The following PIEZO2 variants were observed in gnomAD, a reference collection of about 807,000 sequenced individuals.
The protein encoded by PIEZO2 is piezo-type mechanosensitive ion channel component 2.
Under a neutral mutation model 337.3 loss-of-function variants are expected in PIEZO2, and 172 were observed. The ratio of observed to expected loss-of-function variants is 0.51; its 90% CI spans 0.45 to 0.58. The LOEUF (loss-of-function observed/expected upper bound fraction) is 0.58. PIEZO2 is among the 20% of genes least tolerant of loss of function. The pLI is 0.00. For synonymous variants in PIEZO2, 1,251 were observed against 1,228.5 expected (o/e 1.02, Z -0.38); for missense variants, 3,028 against 3,391.3 (o/e 0.89, Z 2.66).
intron 2 of PIEZO2, among the ~76,000 whole-genome samples, chr18:11,015,701 C>A (rs2036094300): frequency 6.6e-6 from 1 of 152,038 alleles, no homozygotes; most frequent in South Asian, 2.1e-4. Flanking sequence ...TCTATGTACC[C>A]TAAGCTGCAG....
chr18:10,741,555 T>C (rs776747993), intron 32 of PIEZO2, among the ~76,000 whole-genome samples: 1 of 152,210 alleles, frequency 6.6e-6, no homozygotes, highest in Non-Finnish European at 1.5e-5. Flanking sequence ...TTCCTGGTCA[T>C]GAATAGATAC....
rs145273898 is a variant in PIEZO2, at chr18:11,050,003, T to C, written c.160+16124A>G. Among the ~76,000 whole-genome samples, 899 of 152,302 alleles carry C rather than the reference T, an allele frequency of 5.9e-3. 3 individuals carry two copies. Among genetic ancestry groups the C allele is most frequent in the Non-Finnish European group, 9.4e-3 (641 of 68,032 alleles). On this transcript the variant is annotated intron_variant, in intron 2 of 55. Coordinates refer to ENST00000674853, the MANE Select transcript of PIEZO2 (RefSeq NM_001378183.1). ...TAGTCGTATAATATGACCTAGTGTT[T>C]CCTAAACTGAGAATTATAGGCTGCC... is the stretch of plus-strand genomic sequence containing the variant.
chr18:10,779,458 G>A (rs901495009), intron 18 of PIEZO2, among the ~76,000 whole-genome samples: 6 of 152,274 alleles, frequency 3.9e-5, no homozygotes, highest in South Asian at 4.1e-4. Flanking sequence ...CCTATTGCAC[G>A]ACATTTATCA....
At position 10,681,772 on chromosome 18, in the gene PIEZO2, A is replaced by G. The variant is rs571941503; in HGVS notation, c.7687-19T>C. On this transcript the variant is annotated intron_variant, in intron 50 of 55. Coordinates refer to ENST00000674853, the MANE Select transcript of PIEZO2 (RefSeq NM_001378183.1). ...AAATAGGCTGGAAAACAAAGAGAAC[A>G]GTGTTGTCAATATTCCCCAGCTCTT... 1.0e-4 allele frequency: 158 copies of G among 1,562,376 alleles called. No homozygotes were observed. The South Asian group carries it at 1.6e-3, about 16-fold the overall frequency.
rs1426708002 is a variant in PIEZO2, at chr18:10,759,708, G to A, written c.3652C>T (p.Arg1218Ter). Residue 1218 changes from arginine (R) to a stop codon, truncating the protein, a stop_gained, in exon 25 of 56, where the codon CGA becomes TGA. Coordinates refer to ENST00000674853, the MANE Select transcript of PIEZO2 (RefSeq NM_001378183.1). LOFTEE classifies it high-confidence loss of function. The surrounding 1 kb of genome is among the most constrained non-coding windows in gnomAD (Gnocchi z 5.5). ...CTCAAGGGAAGGGCAGGCTCACCTC[G>A]GCAAGGAGCAGGTGGGATGCCAATG... ...ICIGIPPAPC[R>*]DYPWRFKGAS... The A allele has an allele frequency of 5.2e-6, 8 of 1,537,152 alleles. No homozygotes were observed. The highest frequency in any genetic ancestry group is 1.4e-5 in the African/African-American group (1 of 73,030).
At chr18:10,789,507 A>G (rs2039341687) in intron 14 of PIEZO2, 142 bp from the exon 15 acceptor site, 3 of 954,462 alleles carry the variant, frequency 3.1e-6, no homozygotes, top group Non-Finnish European at 4.5e-6. Flanking sequence ...ATTCTCATAA[A>G]CTCAGCAACA....
intron 3 of PIEZO2, among the ~76,000 whole-genome samples, chr18:10,916,256 G>T (rs754584188): frequency 6.6e-6 from 1 of 152,148 alleles, no homozygotes; most frequent in Non-Finnish European, 1.5e-5. Context: ...TGCCAGGGCC[G>T]CAGGCAGCCA....
Position 10,676,568 on chromosome 18 carries a change from C to T in PIEZO2, c.8081+1179G>A, listed in dbSNP as rs1404638135. 6.6e-6 allele frequency among the ~76,000 whole-genome samples: 1 copy of T among 152,174 alleles called. No individual in the cohort carries two copies. Among genetic ancestry groups the T allele is most frequent in the Non-Finnish European group, 1.5e-5 (1 of 68,030 alleles). On this transcript the variant is annotated intron_variant, in intron 53 of 55. Transcript: ENST00000674853. The surrounding 1 kb of genome is among the most constrained non-coding windows in gnomAD (Gnocchi z 5.1). ...CCTCCTCAACCGTGTATACTCTACC[C>T]CCATTCAGAGACCCAGGGGCAGGAA...
chr18:10,947,589 T>G (rs927658159), intron 3 of PIEZO2, among the ~76,000 whole-genome samples: 12 of 152,260 alleles, frequency 7.9e-5, no homozygotes, highest in African/African-American at 2.9e-4. Flanking sequence ...AGAAGAGAGT[T>G]CTCTCTCAAA....
chr18:10,891,120 G>A (rs889014466), intron 4 of PIEZO2, among the ~76,000 whole-genome samples: 1 of 152,082 alleles, frequency 6.6e-6, no homozygotes, highest in Non-Finnish European at 1.5e-5. Flanking sequence ...ATTACTTAAG[G>A]CCAGGAGTTC....
chr18:11,062,679 T>C (rs939114880), intron 2 of PIEZO2, among the ~76,000 whole-genome samples: 2 of 152,130 alleles, frequency 1.3e-5, no homozygotes, highest in African/African-American at 4.8e-5. Context: ...TCACTGGCCA[T>C]CAGAGAAATG....
At chr18:10,975,728 G>A (rs555211451) in intron 3 of PIEZO2, among the ~76,000 whole-genome samples, 2 of 152,094 alleles carry the variant, frequency 1.3e-5, no homozygotes, top group Non-Finnish European at 2.9e-5. Flanking sequence ...CGATAATGAG[G>A]GTGAGGGTAT....
Position 11,110,622 on chromosome 18 carries a change from C to G in PIEZO2, c.64+37903G>C, listed in dbSNP as rs1285195689. ...GTGGTGGGCAGGGGAGCAGGTGGAGCCGGTGAGCAGCCCCAGGCCAGGCTA... is the reference window on the plus strand; with the variant it reads ...GTGGTGGGCAGGGGAGCAGGTGGAGGCGGTGAGCAGCCCCAGGCCAGGCTA... On this transcript the variant is annotated intron_variant, in intron 1 of 55. Transcript: ENST00000674853. The surrounding 1 kb of genome is among the most constrained non-coding windows in gnomAD (Gnocchi z 4.2). 6.6e-6 allele frequency among the ~76,000 whole-genome samples: 1 copy of G among 152,280 alleles called. No homozygotes were observed. Among genetic ancestry groups the G allele is most frequent in the African/African-American group, 2.4e-5 (1 of 41,564 alleles).
Position 10,991,576 on chromosome 18 carries a change from C to A in PIEZO2, c.161-11916G>T, listed in dbSNP as rs539011314. Among the ~76,000 whole-genome samples, 6 of 152,278 alleles carry A rather than the reference C, an allele frequency of 3.9e-5. No homozygotes were observed. The South Asian group carries it at 1.0e-3, about 26-fold the overall frequency. ...GACATGAACTCATCCTTTTCTATGGCTGCATAGTATTCCATGGTGCATATG... is the reference window on the plus strand; with the variant it reads ...GACATGAACTCATCCTTTTCTATGGATGCATAGTATTCCATGGTGCATATG... On this transcript the variant is annotated intron_variant, in intron 2 of 55. Coordinates refer to ENST00000674853, the MANE Select transcript of PIEZO2 (RefSeq NM_001378183.1).
chr18:10,922,459 C>T (rs1384909672), intron 3 of PIEZO2, among the ~76,000 whole-genome samples: 1 of 152,078 alleles, frequency 6.6e-6, no homozygotes, highest in Non-Finnish European at 1.5e-5. Context: ...CAAGGTGGCC[C>T]TTTAGTGCAA....
At position 11,047,269 on chromosome 18, in the gene PIEZO2, G is replaced by A. The variant is rs2037348463; in HGVS notation, c.160+18858C>T. Among the ~76,000 whole-genome samples the A allele has an allele frequency of 6.6e-6, 1 of 152,232 alleles. No individual in the cohort carries two copies. The highest frequency in any genetic ancestry group is 1.5e-5 in the Non-Finnish European group (1 of 68,042). On this transcript the variant is annotated intron_variant, in intron 2 of 55. Transcript: ENST00000674853. The surrounding 1 kb of genome is among the most constrained non-coding windows in gnomAD (Gnocchi z 7.2). ...ATGGTCAGCTAAGGTTGTGGATACAGACACAGTGGTGGTGACTGGCAAGTG... is the reference window on the plus strand; with the variant it reads ...ATGGTCAGCTAAGGTTGTGGATACAAACACAGTGGTGGTGACTGGCAAGTG...
Position 10,854,408 on chromosome 18 carries a change from TA to T in PIEZO2, c.917+944del, listed in dbSNP as rs2041643996. Among the ~76,000 whole-genome samples, 1 of 152,220 alleles carries T rather than the reference TA, an allele frequency of 6.6e-6. No individual in the cohort carries two copies. Among genetic ancestry groups the T allele is most frequent in the Non-Finnish European group, 1.5e-5 (1 of 68,048 alleles). On this transcript the variant is annotated intron_variant, in intron 7 of 55. Coordinates refer to ENST00000674853, the MANE Select transcript of PIEZO2 (RefSeq NM_001378183.1). The surrounding 1 kb of genome is among the most constrained non-coding windows in gnomAD (Gnocchi z 4.6). ...GTCATTGTGCAACCACCACGACCTT[TA>T]TAGTAATTATTTCAGGTGTGGACAT...
chr18:10,791,230 T>G lies in PIEZO2; in HGVS notation c.1853A>C (p.Lys618Thr). 6.5e-7 allele frequency: 1 copy of G among 1,536,308 alleles called. No homozygotes were observed. Among genetic ancestry groups the G allele is most frequent in the Non-Finnish European group, 8.7e-7 (1 of 1,146,366 alleles). ...TTCTTCATTTTCCTGACTGCCAATTTTGACTTCCGATAAAAGAGCTTCCTT... is the reference window on the plus strand; with the variant it reads ...TTCTTCATTTTCCTGACTGCCAATTGTGACTTCCGATAAAAGAGCTTCCTT... ...QEKEALLSEV[K>T]IGSQENEEKD... Residue 618 changes from lysine to threonine, a missense_variant, in exon 14 of 56, where the codon AAA (lysine) becomes ACA (threonine). By Grantham distance (78) the Lys-to-Thr change is moderately conservative. This residue lies in a region of PIEZO2 where 1,925 missense variants were observed against 2,051.9 expected (regional missense o/e 0.94). Coordinates refer to ENST00000674853, the MANE Select transcript of PIEZO2 (RefSeq NM_001378183.1).
intron 7 of PIEZO2, among the ~76,000 whole-genome samples, chr18:10,845,901 ACAC>A (rs1430731576): frequency 6.6e-6 from 1 of 152,216 alleles, no homozygotes; most frequent in East Asian, 1.9e-4. Context: ...ATATTTGCAA[ACAC>A]CACGTTAAGA....
Sources: allele counts gnomAD v4.1 joint callset (sites outside exome capture counted in the v4.1 genomes callset), GRCh38; gene constraint gnomAD v4.1.1; regional missense constraint gnomAD v4.1.1; non-coding constraint Gnocchi (gnomAD v3.1); transcripts MANE v1.5; gene names NCBI Gene and HGNC (gene_info 2026-07-23, HGNC 2026-07-21).